ZMIZ1: variants seen among roughly 807,000 people sequenced by gnomAD.
ZMIZ1 encodes the protein zinc finger MIZ domain-containing protein 1.
In ZMIZ1, 17 loss-of-function variants were observed where a neutral mutation model predicts 113.9. The ratio of observed to expected loss-of-function variants is 0.15; its 90% CI spans 0.10 to 0.22. The LOEUF is 0.22. ZMIZ1 is among the 10% of genes least tolerant of loss of function. The pLI is 1.00. For missense variants in ZMIZ1, 1,059 were observed against 1,477.8 expected (o/e 0.72, Z 4.65); for synonymous variants, 607 against 603.1 (o/e 1.01, Z -0.09).
chr10:79,193,583 A>G (rs1474312272), intron 4 of ZMIZ1, among the ~76,000 whole-genome samples: 1 of 152,186 alleles, frequency 6.6e-6, no homozygotes, highest in Non-Finnish European at 1.5e-5. Flanking sequence ...GGGCTAGACT[A>G]AGGGATCTGT....
At chr10:79,141,850 A>G (rs1845285657) in intron 3 of ZMIZ1, among the ~76,000 whole-genome samples, 1 of 152,228 alleles carries the variant, frequency 6.6e-6, no homozygotes, top group Admixed American at 6.5e-5. Flanking sequence ...GAAGTCAGAG[A>G]GATCATGGAG....
intron 3 of ZMIZ1, among the ~76,000 whole-genome samples, chr10:79,152,918 G>A (rs1845767608): frequency 6.6e-6 from 1 of 152,250 alleles, no homozygotes; most frequent in Non-Finnish European, 1.5e-5. Context: ...GCCTGGTACT[G>A]GGTGCTGTGG....
chr10:79,100,669 G>C (rs1843333621), intron 1 of ZMIZ1, among the ~76,000 whole-genome samples: 1 of 152,196 alleles, frequency 6.6e-6, no homozygotes, highest in African/African-American at 2.4e-5. Context: ...TGTTCTCACA[G>C]GGGTCCCATG....
At chr10:79,116,000 C>G (rs1381880955) in intron 1 of ZMIZ1, among the ~76,000 whole-genome samples, 2 of 152,194 alleles carry the variant, frequency 1.3e-5, no homozygotes, top group Non-Finnish European at 2.9e-5. Flanking sequence ...ATGGGTCTTG[C>G]AATTTTGTTT....
At chr10:79,194,205 A>G (rs1326904411) in intron 4 of ZMIZ1, among the ~76,000 whole-genome samples, 2 of 152,184 alleles carry the variant, frequency 1.3e-5, no homozygotes, top group Non-Finnish European at 1.5e-5. Context: ...GGGGACCCCC[A>G]CTTGCCTGTG....
At chr10:79,119,838 G>A (rs972668312) in intron 2 of ZMIZ1, among the ~76,000 whole-genome samples, 2 of 152,172 alleles carry the variant, frequency 1.3e-5, no homozygotes, top group African/African-American at 4.8e-5. Flanking sequence ...GGAGGGGTGT[G>A]TAGGCTGGAT....
intron 8 of ZMIZ1, among the ~76,000 whole-genome samples, chr10:79,278,405 T>A (rs1852440795): frequency 6.6e-6 from 1 of 150,620 alleles, no homozygotes; most frequent in Non-Finnish European, 1.5e-5. Flanking sequence ...TTTATTATTA[T>A]TATTTATTAT....
At chr10:79,126,624 G>GC (rs1844522215) in intron 2 of ZMIZ1, among the ~76,000 whole-genome samples, 1 of 152,208 alleles carries the variant, frequency 6.6e-6, no homozygotes, top group Admixed American at 6.5e-5. Context: ...GGCTGGAGGT[G>GC]CCCCCGGGGG....
intron 2 of ZMIZ1, among the ~76,000 whole-genome samples, chr10:79,129,241 A>G (rs1844649695): frequency 6.6e-6 from 1 of 152,218 alleles, no homozygotes; most frequent in Admixed American, 6.5e-5. Flanking sequence ...CACAGAGAGT[A>G]GTTGAACTGA....
chr10:79,135,122 A>G (rs1467122169), intron 2 of ZMIZ1, among the ~76,000 whole-genome samples: 3 of 152,250 alleles, frequency 2.0e-5, no homozygotes, highest in Non-Finnish European at 4.4e-5. Flanking sequence ...TGGTTGATAC[A>G]TTTTTAAGTA....
At chr10:79,117,601 GT>G (rs1844106056) in intron 1 of ZMIZ1, among the ~76,000 whole-genome samples, 1 of 152,220 alleles carries the variant, frequency 6.6e-6, no homozygotes, top group Non-Finnish European at 1.5e-5. Flanking sequence ...TCTAACACAT[GT>G]CTTCTGGTGA....
intron 20 of ZMIZ1, 21 bp downstream of exon 20, chr10:79,305,252 TGG>T: frequency 6.2e-7 from 1 of 1,613,226 alleles, no homozygotes; most frequent in Non-Finnish European, 8.5e-7. Flanking sequence ...CCCACCCCGG[TGG>T]GGGCTTCCCC....
At chr10:79,235,074 C>T (rs1167555896) in intron 7 of ZMIZ1, among the ~76,000 whole-genome samples, 4 of 152,254 alleles carry the variant, frequency 2.6e-5, no homozygotes, top group Non-Finnish European at 5.9e-5. Flanking sequence ...AACATCAGGC[C>T]TCCCACTCCT....
chr10:79,191,380 G>GT lies in ZMIZ1; in HGVS notation c.-49-10204_-49-10203insT, dbSNP rs1383785397. ...AGGGCACCAGCTGGTGGTCGGGGGG[G>GT]GTCCTGCCTCTGTCTACAGTCACAT... On this transcript the variant is annotated intron_variant, in intron 4 of 24. Transcript: ENST00000334512. Among the ~76,000 whole-genome samples the GT allele has an allele frequency of 2.6e-5, 4 of 151,892 alleles. No homozygotes were observed. In the East Asian group the frequency reaches 5.8e-4, roughly 22 times the overall value.
chr10:79,160,494 G>A (rs979230907), intron 3 of ZMIZ1, among the ~76,000 whole-genome samples: 26 of 152,358 alleles, frequency 1.7e-4, no homozygotes, highest in Admixed American at 4.6e-4. Flanking sequence ...ACAGCTCTTT[G>A]AGGGAGGCCT....
In ZMIZ1 at chr10:79,314,373, T is replaced by G; in HGVS notation, c.*1624T>G. ...CGCTGTGGGTGGTCCCCAGCTCTCC[T>G]CTGTGGGTTTTACCGGAAAGGTGGC... On this transcript the variant is annotated 3_prime_UTR_variant, in exon 25 of 25. Transcript: ENST00000334512. The G allele has an allele frequency of 2.6e-6, 1 of 392,030 alleles. No homozygotes were observed. The highest frequency in any genetic ancestry group is 5.2e-6 in the Non-Finnish European group (1 of 193,966). The allele number at this position is 392,030 out of a possible 1,614,324, so 24.3% of individuals were successfully genotyped here.
intron 2 of ZMIZ1, among the ~76,000 whole-genome samples, chr10:79,131,650 G>T (rs1248427342): frequency 2.0e-5 from 3 of 152,052 alleles, no homozygotes; most frequent in African/African-American, 7.2e-5. Context: ...GGCCCCCTCT[G>T]CTTCTCCCCT....
intron 7 of ZMIZ1, among the ~76,000 whole-genome samples, chr10:79,245,354 C>G (rs1385487223): frequency 6.6e-6 from 1 of 152,202 alleles, no homozygotes; most frequent in African/African-American, 2.4e-5. Flanking sequence ...AGGAGCAAGA[C>G]CTTGATGCCA....
chr10:79,167,181 C>T (rs983957945), intron 4 of ZMIZ1, among the ~76,000 whole-genome samples: 3 of 152,222 alleles, frequency 2.0e-5, no homozygotes, highest in Non-Finnish European at 2.9e-5. Context: ...AGCCTTCCTT[C>T]GACACTCTTC....
Sources: allele counts gnomAD v4.1 joint callset (sites outside exome capture counted in the v4.1 genomes callset), GRCh38; gene constraint gnomAD v4.1.1; transcripts MANE v1.5; gene names NCBI Gene and HGNC (gene_info 2026-07-23, HGNC 2026-07-21).